Variants in STX18 observed in about 807,000 individuals in gnomAD.
The protein encoded by STX18 is syntaxin-18.
STX18 carries 40 observed loss-of-function variants against 50.1 expected under a neutral mutation model. The observed-to-expected ratio is 0.80, with a 90% CI of 0.62 to 1.04. The LOEUF is 1.04. Among genes scored for constraint, STX18 ranks in the 50% least tolerant of loss-of-function variants. The pLI, the probability that STX18 is intolerant of heterozygous loss-of-function variation, is 0.00. For synonymous variants in STX18, 158 were observed against 151.8 expected (o/e 1.04, Z -0.30); for missense variants, 410 against 415.8 (o/e 0.99, Z 0.12).
intron 7 of STX18, among the ~76,000 whole-genome samples, chr4:4,431,220 CTCT>C (rs1201238841): frequency 1.3e-5 from 2 of 152,126 alleles, no homozygotes; most frequent in Non-Finnish European, 2.9e-5. Flanking sequence ...AGAAGGTAAA[CTCT>C]TCTTAAATAC....
chr4:4,541,870 T>C lies in STX18; in HGVS notation c.95A>G (p.Asp32Gly). Residue 32 changes from aspartate to glycine, a missense_variant, in exon 1 of 11, where the codon GAT (aspartate) becomes GGT (glycine). Coordinates refer to ENST00000306200, the MANE Select transcript of STX18 (RefSeq NM_016930.4). The stretch of plus-strand genomic sequence containing the variant: ...GCGGAACAGCTCGTCCCGGCTGCCA[T>C]CGACCCCGCCGCCCACCGCCACTCC... Reference protein sequence around the residue: ...ALGVAVGGGVDGSRDELFRRS... With the variant: ...ALGVAVGGGVGGSRDELFRRS... 6.2e-7 allele frequency: 1 copy of C among 1,608,094 alleles called. No individual in the cohort carries two copies.
intron 1 of STX18, among the ~76,000 whole-genome samples, chr4:4,519,511 C>T (rs886467105): frequency 2.0e-5 from 3 of 152,108 alleles, no homozygotes; most frequent in Admixed American, 6.5e-5. Flanking sequence ...CTTCCATTCC[C>T]GAGTCAGTTA....
intron 1 of STX18, among the ~76,000 whole-genome samples, chr4:4,489,642 A>C (rs1223863109): frequency 1.3e-5 from 2 of 152,068 alleles, no homozygotes. Context: ...TGGTTTCTAG[A>C]ATTTAAAGAA....
intron 1 of STX18, among the ~76,000 whole-genome samples, chr4:4,512,387 T>G (rs920060132): frequency 1.3e-5 from 2 of 152,050 alleles, no homozygotes; most frequent in Non-Finnish European, 2.9e-5. Context: ...TTGAGTCTGG[T>G]TGCTACCCCT....
intron 1 of STX18, among the ~76,000 whole-genome samples, chr4:4,493,039 T>C (rs1019669083): frequency 6.6e-6 from 1 of 152,200 alleles, no homozygotes; most frequent in Admixed American, 6.5e-5. Context: ...ACCCACTTAT[T>C]TGGAAAAAAA....
At chr4:4,431,553 G>A (rs913340798) in intron 7 of STX18, among the ~76,000 whole-genome samples, 8 of 152,002 alleles carry the variant, frequency 5.3e-5, no homozygotes, top group East Asian at 3.9e-4. Context: ...AGAGCCTCAC[G>A]CAAGCCCATC....
chr4:4,501,775 T>C (rs1403506469), intron 1 of STX18, among the ~76,000 whole-genome samples: 1 of 152,218 alleles, frequency 6.6e-6, no homozygotes, highest in Admixed American at 6.5e-5. Flanking sequence ...CCATACTGTT[T>C]TATAAAAAGA....
At chr4:4,477,866 A>G (rs1728267081) in intron 1 of STX18, 1 of 152,138 alleles carries the variant, frequency 6.6e-6, no homozygotes, top group Admixed American at 6.5e-5. Flanking sequence ...ATTTCACCCA[A>G]TCGTGATCGC....
chr4:4,542,218 T>A (rs1258165657), upstream of STX18: 4 of 455,502 alleles, frequency 8.8e-6, no homozygotes. Flanking sequence ...CAGCAAAGCT[T>A]GGAGGGTTTA....
intron 1 of STX18, among the ~76,000 whole-genome samples, chr4:4,531,047 A>G (rs1431359773): frequency 6.6e-6 from 1 of 152,180 alleles, no homozygotes; most frequent in Admixed American, 6.5e-5. Flanking sequence ...ACAAGGAACT[A>G]AAAATTTATT....
intron 1 of STX18, among the ~76,000 whole-genome samples, chr4:4,473,066 A>T (rs1728001705): frequency 1.3e-5 from 2 of 152,164 alleles, no homozygotes; most frequent in Admixed American, 6.5e-5. Flanking sequence ...TACATGGCCT[A>T]TTTCTCTTCC....
upstream of STX18, chr4:4,542,279 G>C (rs1187678214): frequency 7.7e-6 from 2 of 259,906 alleles, no homozygotes; most frequent in African/African-American, 4.4e-5. Flanking sequence ...GGGCGTGTGG[G>C]CTCCGGGAGC....
chr4:4,501,617 C>A (rs1242206409), intron 1 of STX18, among the ~76,000 whole-genome samples: 1 of 152,156 alleles, frequency 6.6e-6, no homozygotes, highest in East Asian at 1.9e-4. Context: ...GCTGTGGAGA[C>A]ACCGAGTGTT....
chr4:4,438,530 G>A, intron 5 of STX18, 21 bp from the exon 6 acceptor site: 1 of 1,564,326 alleles, frequency 6.4e-7, no homozygotes, highest in African/African-American at 1.4e-5. Flanking sequence ...ATAATTAGCA[G>A]GCAGGTATTT....
At chr4:4,522,598 A>G (rs926336376) in intron 1 of STX18, among the ~76,000 whole-genome samples, 1 of 152,258 alleles carries the variant, frequency 6.6e-6, no homozygotes, top group Non-Finnish European at 1.5e-5. Flanking sequence ...GTGGAGGAGC[A>G]ACTCACAGAG....
chr4:4,459,046 CAG>C (rs1260494004), intron 3 of STX18, among the ~76,000 whole-genome samples: 1 of 131,992 alleles, frequency 7.6e-6, no homozygotes, highest in Non-Finnish European at 1.6e-5. Flanking sequence ...ATTTGCCACA[CAG>C]AACACACACA....
At position 4,457,179 on chromosome 4, in the gene STX18, A is replaced by G; in HGVS notation, c.497+12T>C. The G allele has an allele frequency of 6.2e-7, 1 of 1,611,302 alleles. No individual in the cohort carries two copies. Among genetic ancestry groups the G allele is most frequent in the East Asian group, 2.2e-5 (1 of 44,866 alleles). ...TTATTAATTAAGAAACACCAATGAA[A>G]GCAATACTTACAATCTTTTCTTATC... On this transcript the variant is annotated intron_variant, in intron 5 of 10. Transcript: ENST00000306200.
rs79653535 is a variant in STX18 at position 4,469,989 on chromosome 4, C to G, written c.236+1650G>C. Among the ~76,000 whole-genome samples the G allele has an allele frequency of 6.1e-3, 935 of 152,288 alleles. 6 individuals carry two copies. Among genetic ancestry groups the G allele is most frequent in the African/African-American group, 0.021 (863 of 41,558 alleles). On this transcript the variant is annotated intron_variant, in intron 2 of 10. Transcript: ENST00000306200. ...ACTCCCGATCCCTGTTACCTTGGTT[C>G]TACTCTTCCTTTTCTTTCCATAGGA...
At chr4:4,520,427 T>C (rs1577397194) in intron 1 of STX18, among the ~76,000 whole-genome samples, 1 of 152,202 alleles carries the variant, frequency 6.6e-6, no homozygotes, top group East Asian at 1.9e-4. Context: ...GTTGAAGACA[T>C]GAAATGTGAA....
Sources: gnomAD v4.1 joint callset for allele counts (sites outside exome capture counted in the v4.1 genomes callset) on GRCh38, gnomAD v4.1.1 for gene constraint, MANE v1.5 for transcripts, NCBI Gene and HGNC (gene_info 2026-07-23, HGNC 2026-07-21) for gene names.